The following CNTN4 variants were observed in gnomAD, a reference collection of about 807,000 sequenced individuals.
The protein encoded by CNTN4 is contactin 4.
A neutral mutation model predicts 122.5 loss-of-function variants in CNTN4; 77 were observed. The observed-to-expected ratio is 0.63, with a 90% CI of 0.52 to 0.76. CNTN4 has a LOEUF of 0.76. Among genes scored for constraint, CNTN4 ranks in the 30% least tolerant of loss-of-function variants. The pLI is 0.00. For missense variants in CNTN4, 1,256 were observed against 1,259.1 expected (o/e 1.00, Z 0.04); for synonymous variants, 512 against 447.0 (o/e 1.15, Z -1.83).
intron 3 of CNTN4, among the ~76,000 whole-genome samples, chr3:2,524,283 A>G (rs564241659): frequency 6.6e-6 from 1 of 152,174 alleles, no homozygotes; most frequent in African/African-American, 2.4e-5. Context: ...CCTATTTTCA[A>G]AGTTTAGCCA....
At chr3:2,571,263 C>G in intron 3 of CNTN4, 153 bp from the exon 4 acceptor site, 2 of 570,788 alleles carry the variant, frequency 3.5e-6, no homozygotes, top group Non-Finnish European at 6.2e-6. Context: ...GTCTTATTAG[C>G]TTTATATTCA....
In CNTN4 at chr3:2,737,917, G is replaced by A. The variant is rs564338032; in HGVS notation, c.182+1576G>A. Among the ~76,000 whole-genome samples the A allele has an allele frequency of 7.9e-5, 12 of 152,288 alleles. No homozygotes were observed. The East Asian group carries it at 2.1e-3, about 27-fold the overall frequency. On this transcript the variant is annotated intron_variant, in intron 5 of 24. Coordinates refer to ENST00000418658, the MANE Select transcript of CNTN4 (RefSeq NM_175607.3). ...TTAAACCTTAGTGGTTCTAGTAGCAGATGAAATACAACCGAAAAGAATTTG... is the reference window on the plus strand; with the variant it reads ...TTAAACCTTAGTGGTTCTAGTAGCAAATGAAATACAACCGAAAAGAATTTG...
intron 12 of CNTN4, among the ~76,000 whole-genome samples, chr3:2,905,884 A>G (rs2094225183): frequency 6.6e-6 from 1 of 152,238 alleles, no homozygotes; most frequent in Non-Finnish European, 1.5e-5. Flanking sequence ...ATTATAAAAT[A>G]TCTGGGATAG....
chr3:2,319,708 T>C (rs2043218735), intron 2 of CNTN4, among the ~76,000 whole-genome samples: 2 of 152,206 alleles, frequency 1.3e-5, no homozygotes, highest in Admixed American at 6.5e-5. Context: ...ATGTTATCGG[T>C]AAGACTTTTG....
intron 13 of CNTN4, among the ~76,000 whole-genome samples, chr3:2,975,770 CATT>C (rs2125139519): frequency 6.6e-6 from 1 of 151,992 alleles, no homozygotes; most frequent in South Asian, 2.1e-4. Flanking sequence ...GTTTTTTTCT[CATT>C]ATAAAAGTTA....
At chr3:2,935,800 G>A (rs2094562832) in intron 13 of CNTN4, among the ~76,000 whole-genome samples, 1 of 152,160 alleles carries the variant, frequency 6.6e-6, no homozygotes, top group Non-Finnish European at 1.5e-5. Flanking sequence ...ATTTGTGTTG[G>A]AGCATACAGG....
intron 6 of CNTN4, among the ~76,000 whole-genome samples, chr3:2,778,004 G>A (rs1212777125): frequency 6.6e-6 from 1 of 151,740 alleles, no homozygotes; most frequent in Non-Finnish European, 1.5e-5. Flanking sequence ...CATGAGGTCA[G>A]GAGATCGAGG....
chr3:2,848,618 A>C (rs1361026831), intron 7 of CNTN4, among the ~76,000 whole-genome samples: 1 of 152,240 alleles, frequency 6.6e-6, no homozygotes, highest in African/African-American at 2.4e-5. Flanking sequence ...ATTAACTACA[A>C]CTAGATTTTA....
At chr3:2,992,865 A>T (rs916118085) in intron 14 of CNTN4, among the ~76,000 whole-genome samples, 1 of 151,982 alleles carries the variant, frequency 6.6e-6, no homozygotes, top group Non-Finnish European at 1.5e-5. Flanking sequence ...CATGCCACCT[A>T]GCAAGTGACA....
rs957879201 is a variant in CNTN4, at chr3:2,558,111, G to A, written c.-88-13305G>A. The stretch of plus-strand genomic sequence containing the variant: ...CTAGAAAATTATTTATGCACCATTG[G>A]CTTTATTTTAAAATACATACTTGCA... On this transcript the variant is annotated intron_variant, in intron 3 of 24. Transcript: ENST00000418658. Among the ~76,000 whole-genome samples the A allele has an allele frequency of 7.9e-5, 12 of 152,192 alleles. 1 individual carries two copies. The highest frequency in any genetic ancestry group is 6.8e-3 in the Middle Eastern group (2 of 294).
chr3:3,035,251 TG>T (rs1359797601), intron 17 of CNTN4, among the ~76,000 whole-genome samples: 6 of 139,946 alleles, frequency 4.3e-5, no homozygotes, highest in Admixed American at 1.6e-4. Context: ...GAGGTTGCAG[TG>T]AGCCAAGATC....
chr3:2,320,071 A>G (rs956669970), intron 2 of CNTN4, among the ~76,000 whole-genome samples: 1 of 152,208 alleles, frequency 6.6e-6, no homozygotes, highest in African/African-American at 2.4e-5. Flanking sequence ...GCCTTAGCAA[A>G]GAGAATATAG....
chr3:2,147,173 C>T (rs956276660), intron 2 of CNTN4, among the ~76,000 whole-genome samples: 1 of 152,144 alleles, frequency 6.6e-6, no homozygotes, highest in African/African-American at 2.4e-5. Flanking sequence ...GCCACTGTGC[C>T]TGGCCTCATT....
chr3:2,101,078 A>G (rs2031909307), intron 2 of CNTN4, among the ~76,000 whole-genome samples: 2 of 152,366 alleles, frequency 1.3e-5, no homozygotes, highest in African/African-American at 4.8e-5. Flanking sequence ...GAGTCAATGC[A>G]GTACCTTTTT....
intron 2 of CNTN4, among the ~76,000 whole-genome samples, chr3:2,270,810 A>G (rs1026194698): frequency 6.6e-6 from 1 of 152,114 alleles, no homozygotes; most frequent in Non-Finnish European, 1.5e-5. Context: ...AGTTCCTTCT[A>G]TTCCACTCAT....
chr3:2,225,541 CAAA>C (rs1481819322), intron 2 of CNTN4, among the ~76,000 whole-genome samples: 4 of 151,918 alleles, frequency 2.6e-5, no homozygotes, highest in Non-Finnish European at 5.9e-5. Context: ...AAAACAAAAA[CAAA>C]CAAACAAAAA....
chr3:2,697,767 T>C (rs1021276029), intron 4 of CNTN4, among the ~76,000 whole-genome samples: 4 of 152,302 alleles, frequency 2.6e-5, no homozygotes, highest in African/African-American at 9.6e-5. Flanking sequence ...TTGTGAGGGC[T>C]GTCAAGTCTG....
chr3:2,381,227 C>T (rs888850437), intron 3 of CNTN4, among the ~76,000 whole-genome samples: 4 of 152,086 alleles, frequency 2.6e-5, no homozygotes, highest in Non-Finnish European at 4.4e-5. Flanking sequence ...AGGATGGTCT[C>T]GATCTCCTGA....
chr3:2,353,741 AAAAC>A (rs1277673226), intron 3 of CNTN4, among the ~76,000 whole-genome samples: 1 of 152,098 alleles, frequency 6.6e-6, no homozygotes, highest in Non-Finnish European at 1.5e-5. Flanking sequence ...TAAAAACACA[AAAAC>A]AAAATTAGCC....
Sources: gnomAD v4.1 joint callset for allele counts (sites outside exome capture counted in the v4.1 genomes callset) on GRCh38, gnomAD v4.1.1 for gene constraint, MANE v1.5 for transcripts, NCBI Gene and HGNC (gene_info 2026-07-23, HGNC 2026-07-21) for gene names.